Variants in MAP3K5 observed in about 807,000 individuals in gnomAD.
The protein encoded by MAP3K5 is ASK-1.
Under a neutral mutation model 158.7 loss-of-function variants are expected in MAP3K5, and 56 were observed. The ratio of observed to expected loss-of-function variants is 0.35; its 90% CI spans 0.28 to 0.44. The LOEUF is 0.44. Among genes scored for constraint, MAP3K5 ranks in the 20% least tolerant of loss-of-function variants. The probability of loss-of-function intolerance (pLI) is 1.00; values close to 1 mark genes in which losing one functional copy is unlikely to be tolerated. For missense variants in MAP3K5, 1,294 were observed against 1,674.8 expected, an observed-to-expected ratio of 0.77 and a Z score of 3.97; for synonymous variants, 579 against 601.7, an observed-to-expected ratio of 0.96 and a Z score of 0.55.
At chr6:136,775,452 A>C (rs188919130) in intron 1 of MAP3K5, among the ~76,000 whole-genome samples, 2 of 152,364 alleles carry the variant, frequency 1.3e-5, no homozygotes, top group African/African-American at 4.8e-5. Flanking sequence ...GAAAACTGAA[A>C]GCAGATGAGA....
intron 1 of MAP3K5, among the ~76,000 whole-genome samples, chr6:136,786,221 C>A (rs543540728): frequency 9.2e-5 from 14 of 151,610 alleles, no homozygotes; most frequent in African/African-American, 2.7e-4. Context: ...ACTAATAATA[C>A]AAAAAAATTA....
rs937147821 is a variant in MAP3K5, at chr6:136,666,142, C to G, written c.1366+3141G>C. Among the ~76,000 whole-genome samples, 9 of 152,236 alleles carry G rather than the reference C, an allele frequency of 5.9e-5. 1 individual carries two copies. The highest frequency in any genetic ancestry group is 3.4e-3 in the Middle Eastern group (1 of 294). Reference sequence around the variant, plus strand: ...AGGATATGGCTCTGTGTTTTTAAATCCTAGCTCTAAATAGCCTAAGCATCA... The same window carrying G: ...AGGATATGGCTCTGTGTTTTTAAATGCTAGCTCTAAATAGCCTAAGCATCA... On this transcript the variant is annotated intron_variant, in intron 8 of 29. Transcript: ENST00000359015.
At chr6:136,657,591 C>T (rs1260573991) in intron 9 of MAP3K5, among the ~76,000 whole-genome samples, 1 of 151,982 alleles carries the variant, frequency 6.6e-6, no homozygotes, top group African/African-American at 2.4e-5. Flanking sequence ...ATTATAACAC[C>T]AAGAATAAAT....
chr6:136,754,349 G>A (rs966630922), intron 1 of MAP3K5, among the ~76,000 whole-genome samples: 4 of 151,966 alleles, frequency 2.6e-5, no homozygotes, highest in Non-Finnish European at 5.9e-5. Flanking sequence ...AAGCTGACAT[G>A]GGGGAACTGC....
intron 1 of MAP3K5, among the ~76,000 whole-genome samples, chr6:136,736,747 A>C (rs1210325636): frequency 1.3e-5 from 2 of 151,874 alleles, no homozygotes; most frequent in African/African-American, 4.8e-5. Flanking sequence ...CTGGAGTGCA[A>C]TGGTATGGTC....
chr6:136,582,883 A>G (rs887795889), intron 24 of MAP3K5, among the ~76,000 whole-genome samples: 4 of 152,150 alleles, frequency 2.6e-5, no homozygotes, highest in African/African-American at 7.2e-5. Flanking sequence ...GATAAGTCTC[A>G]CCCAAGAATA....
At chr6:136,631,858 A>G (rs1056095333) in intron 14 of MAP3K5, among the ~76,000 whole-genome samples, 5 of 152,174 alleles carry the variant, frequency 3.3e-5, no homozygotes, top group Non-Finnish European at 5.9e-5. Context: ...CCATCCTGCC[A>G]TGGGACATTA....
chr6:136,733,307 C>A (rs758042386), intron 1 of MAP3K5, among the ~76,000 whole-genome samples: 1 of 152,142 alleles, frequency 6.6e-6, no homozygotes, highest in Non-Finnish European at 1.5e-5. Context: ...TTCAAGCACA[C>A]AGCATTCGAT....
At chr6:136,735,903 C>T (rs763250930) in intron 1 of MAP3K5, among the ~76,000 whole-genome samples, 4 of 152,122 alleles carry the variant, frequency 2.6e-5, no homozygotes, top group Non-Finnish European at 4.4e-5. Context: ...TCTGGCACCA[C>T]ATGATGTATG....
intron 8 of MAP3K5, among the ~76,000 whole-genome samples, chr6:136,663,434 T>G (rs1779092197): frequency 6.6e-6 from 1 of 152,178 alleles, no homozygotes; most frequent in East Asian, 1.9e-4. Context: ...TCCTATATAT[T>G]CTATTCCATT....
intron 2 of MAP3K5, among the ~76,000 whole-genome samples, chr6:136,717,151 TC>T (rs1781565911): frequency 2.0e-5 from 3 of 151,948 alleles, no homozygotes; most frequent in South Asian, 4.2e-4. Context: ...GTAATGATCA[TC>T]TTCTCTTGAA....
At chr6:136,611,125 A>T (rs1312849805) in intron 18 of MAP3K5, among the ~76,000 whole-genome samples, 157 bp downstream of exon 18, 1 of 150,310 alleles carries the variant, frequency 6.7e-6, no homozygotes, top group Non-Finnish European at 1.5e-5. Context: ...AAAAAAAAAA[A>T]AAAAAAAAAG....
intron 1 of MAP3K5, among the ~76,000 whole-genome samples, chr6:136,750,803 T>C (rs1255674233): frequency 6.6e-6 from 1 of 152,244 alleles, no homozygotes; most frequent in Non-Finnish European, 1.5e-5. Flanking sequence ...AGTCCTGCAG[T>C]GTGTTTACAC....
rs772270663 is a variant in MAP3K5, at chr6:136,601,971, C to T, written c.2688G>A (p.Met896Ile). The change falls in exon 20 of 30, where the codon ATG becomes ATA. Residue 896 changes from methionine to isoleucine, a missense_variant. By Grantham distance (10) the Met-to-Ile change is conservative. Transcript: ENST00000359015. Reference sequence around the variant, plus strand: ...CTGGGATCTCAGGGTGGACTTTAAACATTCCCACCTAAGACATAAATATAA... The same window carrying T: ...CTGGGATCTCAGGGTGGACTTTAAATATTCCCACCTAAGACATAAATATAA... ...EPQAAMFKVG[M>I]FKVHPEIPES... 1 of 1,613,202 alleles carries T rather than the reference C, an allele frequency of 6.2e-7. No individual in the cohort carries two copies. Among genetic ancestry groups the T allele is most frequent in the Non-Finnish European group, 8.5e-7 (1 of 1,179,690 alleles).
At chr6:136,780,460 A>G (rs529180404) in intron 1 of MAP3K5, among the ~76,000 whole-genome samples, 19 of 152,188 alleles carry the variant, frequency 1.2e-4, no homozygotes, top group Non-Finnish European at 2.2e-4. Context: ...ACCAGTTTTA[A>G]TATCTTTCTG....
rs1166075859 is a variant in MAP3K5 at position 136,767,543 on chromosome 6, A to G, written c.448+24167T>C. On this transcript the variant is annotated intron_variant, in intron 1 of 29. Transcript: ENST00000359015. ...TCAGTTCAGTAGTCACTAGGTAAGA[A>G]GCAAAACTTGAGTCCAGCTGTCATG... 3.3e-5 allele frequency among the ~76,000 whole-genome samples: 5 copies of G among 152,318 alleles called. No individual in the cohort carries two copies. In the South Asian group the frequency reaches 1.0e-3, roughly 32 times the overall value.
rs751179486 is a variant in MAP3K5 at position 136,697,374 on chromosome 6, C to T, written c.820G>A (p.Glu274Lys). The stretch of plus-strand genomic sequence containing the variant: ...TTCCTGATGTCATTGAGTATAGATT[C>T]CCGGAAGTACTGGCTGGTAAAAACA... Reference protein sequence around the residue: ...AQASSSQYFRESILNDIRKAR... With the variant: ...AQASSSQYFRKSILNDIRKAR... The change falls in exon 5 of 30, where the codon GAA becomes AAA. Residue 274 changes from glutamate (E) to lysine (K), a missense_variant. Glu to Lys is a moderately conservative substitution (Grantham distance 56). Coordinates refer to ENST00000359015, the MANE Select transcript of MAP3K5 (RefSeq NM_005923.4). 1 of 1,605,928 alleles carries T rather than the reference C, an allele frequency of 6.2e-7. No individual in the cohort carries two copies. The highest frequency in any genetic ancestry group is 8.5e-7 in the Non-Finnish European group (1 of 1,175,300).
chr6:136,595,141 A>C (rs1057229562), intron 21 of MAP3K5, among the ~76,000 whole-genome samples: 2 of 152,158 alleles, frequency 1.3e-5, no homozygotes, highest in Non-Finnish European at 2.9e-5. Context: ...TTTTTGAGAC[A>C]GAGTCACACT....
At chr6:136,663,860 C>T (rs186809179) in intron 8 of MAP3K5, among the ~76,000 whole-genome samples, 22 of 152,174 alleles carry the variant, frequency 1.4e-4, no homozygotes, top group Admixed American at 1.0e-3. Context: ...TGAGGCCCAC[C>T]TTGGCCTCCC....
Sources: allele counts gnomAD v4.1 joint callset (sites outside exome capture counted in the v4.1 genomes callset), GRCh38; gene constraint gnomAD v4.1.1; transcripts MANE v1.5; gene names NCBI Gene and HGNC (gene_info 2026-07-23, HGNC 2026-07-21).